RBM25: variants seen among roughly 807,000 people sequenced by gnomAD.
The protein encoded by RBM25 is RNA-binding protein 25.
A neutral mutation model predicts 120.7 loss-of-function variants in RBM25; 19 were observed. The observed-to-expected ratio is 0.16, with a 90% CI of 0.11 to 0.23. The LOEUF is 0.23. Among genes scored for constraint, RBM25 ranks in the 10% least tolerant of loss-of-function variants. The pLI is 1.00. For missense variants in RBM25, 605 were observed against 1,041.5 expected, an observed-to-expected ratio of 0.58 and a Z score of 5.77; for synonymous variants, 390 against 326.7, an observed-to-expected ratio of 1.19 and a Z score of -2.09.
intron 10 of RBM25, 70 bp downstream of exon 10, chr14:73,103,548 C>T (rs995342604): frequency 3.4e-5 from 51 of 1,504,490 alleles, no homozygotes; most frequent in South Asian, 1.4e-5. Flanking sequence ...TCCAGAGTAC[C>T]ATTTGCATTC....
intron 17 of RBM25, among the ~76,000 whole-genome samples, chr14:73,112,851 T>C (rs985427754): frequency 7.2e-5 from 11 of 152,172 alleles, no homozygotes; most frequent in Admixed American, 5.2e-4. Context: ...TCCTACAGGC[T>C]GGAGTGCAGT....
chr14:73,099,306 G>A, intron 7 of RBM25, 74 bp from the exon 8 acceptor site: 1 of 1,289,528 alleles, frequency 7.8e-7, no homozygotes, highest in Non-Finnish European at 1.1e-6. Flanking sequence ...TAAATGTATA[G>A]GGCATTGCTT....
intron 14 of RBM25, 112 bp from the exon 15 acceptor site, chr14:73,110,719 A>G: frequency 7.5e-7 from 1 of 1,330,998 alleles, no homozygotes; most frequent in Middle Eastern, 2.5e-4. Flanking sequence ...ATGAGCCACC[A>G]TACCTGGCCT....
At chr14:73,088,287 T>C (rs1895735942) in intron 6 of RBM25, 126 bp downstream of exon 6, 4 of 1,198,518 alleles carry the variant, frequency 3.3e-6, no homozygotes, top group Non-Finnish European at 4.9e-6. Context: ...TGGCTTAATG[T>C]AGGAGGGTAT....
chr14:73,092,983 A>G (rs1895852380), intron 6 of RBM25, among the ~76,000 whole-genome samples: 1 of 151,888 alleles, frequency 6.6e-6, no homozygotes, highest in Non-Finnish European at 1.5e-5. Context: ...TTTTCTTTCC[A>G]TTTCTTATTG....
At chr14:73,105,068 GTTA>G (rs1353058117) in intron 10 of RBM25, among the ~76,000 whole-genome samples, 1 of 38,596 alleles carries the variant, frequency 2.6e-5, no homozygotes, top group Non-Finnish European at 6.6e-5. Flanking sequence ...CACACACAGA[GTTA>G]TTTGATTAGA....
In RBM25 at chr14:73,103,992, A is replaced by ACTCTCT. The variant is rs1202202198; in HGVS notation, c.1154+515_1154+516insTCTCTC. Among the ~76,000 whole-genome samples the ACTCTCT allele has an allele frequency of 1.9e-4, 22 of 113,620 alleles. No individual in the cohort carries two copies. In the South Asian group the frequency reaches 2.6e-3, roughly 13 times the overall value. The allele number at this position is 113,620 out of a possible 152,430, so 74.5% of individuals were successfully genotyped here. ...CACACACACACACACACACACACAC[A>ACTCTCT]CACTCTCTCTCTCTCTCTCTCTCTC... is the stretch of plus-strand genomic sequence containing the variant. On this transcript the variant is annotated intron_variant, in intron 10 of 18. Transcript: ENST00000261973.
intron 4 of RBM25, among the ~76,000 whole-genome samples, chr14:73,079,631 C>T (rs1461831665): frequency 6.6e-6 from 1 of 150,526 alleles, no homozygotes; most frequent in Non-Finnish European, 1.5e-5. Context: ...TGCCTGCTCT[C>T]CTTATGCCCC....
chr14:73,104,007 C>G (rs1483541533), intron 10 of RBM25, among the ~76,000 whole-genome samples: 2 of 151,152 alleles, frequency 1.3e-5, no homozygotes, highest in Non-Finnish European at 3.0e-5. Context: ...CTCTCTCTCT[C>G]TCTCTCTCTC....
intron 5 of RBM25, among the ~76,000 whole-genome samples, chr14:73,085,484 G>A (rs116793443): frequency 2.7e-5 from 4 of 148,436 alleles, no homozygotes; most frequent in African/African-American, 9.8e-5. Context: ...CGCTCTTGTT[G>A]CCCAGACTGG....
At chr14:73,077,628 T>G in intron 4 of RBM25, 92 bp downstream of exon 4, 1 of 1,225,962 alleles carries the variant, frequency 8.2e-7, no homozygotes, top group Non-Finnish European at 1.1e-6. Context: ...GATTGCTTTT[T>G]ATTTTAAAAA....
chr14:73,111,712 G>T lies in RBM25; in HGVS notation c.2202G>T (p.Lys734Asn). The change falls in exon 16 of 19, where the codon AAG becomes AAT. Residue 734 changes from lysine (K) to asparagine (N), a missense_variant. Physicochemically the swap from Lys to Asn is moderately conservative, Grantham distance 94. Coordinates refer to ENST00000261973, the MANE Select transcript of RBM25 (RefSeq NM_021239.3). ...ATKGTVNTEE[K>N]RKHIKSLIEK... ...AAGGCACTGTAAACACTGAAGAAAAGCGTAAACACATTAAGAGTCTCATTG... is the reference window on the plus strand; with the variant it reads ...AAGGCACTGTAAACACTGAAGAAAATCGTAAACACATTAAGAGTCTCATTG... 6.2e-7 allele frequency: 1 copy of T among 1,614,144 alleles called. No homozygotes were observed. Among genetic ancestry groups the T allele is most frequent in the Non-Finnish European group, 8.5e-7 (1 of 1,180,020 alleles).
At chr14:73,093,173 A>G (rs991672800) in intron 6 of RBM25, among the ~76,000 whole-genome samples, 1 of 152,238 alleles carries the variant, frequency 6.6e-6, no homozygotes, top group South Asian at 2.1e-4. Flanking sequence ...AAAAACAGTT[A>G]TTCTCTGGAA....
At chr14:73,075,407 T>C (rs1732949306) in intron 2 of RBM25, among the ~76,000 whole-genome samples, 1 of 152,102 alleles carries the variant, frequency 6.6e-6, no homozygotes, top group Non-Finnish European at 1.5e-5. Context: ...GATTTACCCA[T>C]CTTTGCCTCC....
rs1896021522 is a variant in RBM25 at position 73,099,745 on chromosome 14, C to A, written c.862C>A (p.His288Asn). Residue 288 changes from histidine (H) to asparagine (N), a missense_variant, in exon 9 of 19, where the codon CAT becomes AAT. By Grantham distance (68) the His-to-Asn change is moderately conservative. This residue lies in a region of RBM25 where 465 missense variants were observed against 741.6 expected (regional missense o/e 0.63). Transcript: ENST00000261973. ...SREISKFRDT[H>N]KKLEEEKGKK... ...AGAGATCAGCAAATTCAGAGACACA[C>A]ATAAGGTAGTATTCTTGTCTTTTCA... 6.2e-7 allele frequency: 1 copy of A among 1,607,544 alleles called. No homozygotes were observed. Among genetic ancestry groups the A allele is most frequent in the Non-Finnish European group, 8.5e-7 (1 of 1,178,452 alleles).
At chr14:73,059,516 A>G (rs1464337298) in intron 1 of RBM25, 1 of 152,168 alleles carries the variant, frequency 6.6e-6, no homozygotes, top group Non-Finnish European at 1.5e-5. Flanking sequence ...ATGGATTTGT[A>G]TTGCCATGGA....
intron 9 of RBM25, chr14:73,102,551 C>T (rs1429811720): frequency 6.6e-6 from 1 of 152,214 alleles, no homozygotes; most frequent in Admixed American, 6.5e-5. Flanking sequence ...ATTACAGTTA[C>T]ATATATTTTG....
chr14:73,082,845 A>C (rs967410103), intron 4 of RBM25, among the ~76,000 whole-genome samples: 4 of 151,746 alleles, frequency 2.6e-5, no homozygotes, highest in African/African-American at 9.7e-5. Flanking sequence ...GCAGATCACG[A>C]GGTCAGGAGT....
rs1896021744 is a variant in RBM25, at chr14:73,099,757, T to G, written c.867+7T>G. The G allele has an allele frequency of 6.3e-7, 1 of 1,595,072 alleles. No homozygotes were observed. Among genetic ancestry groups the G allele is most frequent in the East Asian group, 2.3e-5 (1 of 44,352 alleles). ...ATTCAGAGACACACATAAGGTAGTA[T>G]TCTTGTCTTTTCACTTGATACCAAT... is the stretch of plus-strand genomic sequence containing the variant. On this transcript the variant is annotated splice_region_variant and intron_variant, in intron 9 of 18. Transcript: ENST00000261973.
Sources: allele counts gnomAD v4.1 joint callset (sites outside exome capture counted in the v4.1 genomes callset), GRCh38; gene constraint gnomAD v4.1.1; regional missense constraint gnomAD v4.1.1; transcripts MANE v1.5; gene names NCBI Gene and HGNC (gene_info 2026-07-23, HGNC 2026-07-21).